The following GABRG2 variants were observed in gnomAD, a reference collection of about 807,000 sequenced individuals.
GABRG2 encodes gamma-aminobutyric acid type A receptor subunit gamma2.
In GABRG2, 16 loss-of-function variants were observed where a neutral mutation model predicts 56.4. The observed-to-expected ratio is 0.28, with a 90% confidence interval of 0.19 to 0.43. The LOEUF is 0.43. Ranked by LOEUF, GABRG2 falls within the 20% of genes least tolerant of loss-of-function variation. The pLI, the probability that GABRG2 is intolerant of heterozygous loss-of-function variation, is 1.00. For synonymous variants in GABRG2, 208 were observed against 205.5 expected (o/e 1.01, Z -0.10); for missense variants, 327 against 582.7 (o/e 0.56, Z 4.52).
chr5:162,141,132 G>A (rs1448985536), intron 6 of GABRG2, among the ~76,000 whole-genome samples: 3 of 152,114 alleles, frequency 2.0e-5, no homozygotes, highest in African/African-American at 7.2e-5. Context: ...CGCCTCCCGG[G>A]TTCACGCCAT....
chr5:162,071,624 A>G (rs967072485), intron 1 of GABRG2, among the ~76,000 whole-genome samples: 1 of 151,940 alleles, frequency 6.6e-6, no homozygotes, highest in South Asian at 2.1e-4. Flanking sequence ...TTTATTTTAC[A>G]TGTTTCTTTA....
At position 162,120,903 on chromosome 5, in the gene GABRG2, A is replaced by C. The variant is rs1762938691; in HGVS notation, c.769+16877A>C. 2.6e-5 allele frequency among the ~76,000 whole-genome samples: 4 copies of C among 152,136 alleles called. No homozygotes were observed. In the South Asian group the frequency reaches 8.3e-4, roughly 31 times the overall value. ...CATTGCTTTCTTTAACCAAGATATT[A>C]TTCAATTAGATACTTTGTTCATTAT... is the stretch of plus-strand genomic sequence containing the variant. On this transcript the variant is annotated intron_variant, in intron 6 of 9. Transcript: ENST00000639213.
intron 6 of GABRG2, among the ~76,000 whole-genome samples, chr5:162,116,733 G>A (rs572500985): frequency 3.8e-4 from 58 of 151,988 alleles, no homozygotes; most frequent in African/African-American, 1.2e-3. Context: ...TGGCCATGTC[G>A]GAGGGGCCCA....
chr5:162,123,165 A>G (rs373493326), intron 6 of GABRG2, among the ~76,000 whole-genome samples: 8 of 151,774 alleles, frequency 5.3e-5, no homozygotes, highest in Non-Finnish European at 1.0e-4. Flanking sequence ...AACTAATCAT[A>G]TCTGAGAAAA....
At chr5:162,109,420 A>ATTTATT (rs1554098576) in intron 6 of GABRG2, among the ~76,000 whole-genome samples, 63 of 116,140 alleles carry the variant, frequency 5.4e-4, no homozygotes, top group Middle Eastern at 4.9e-3. Context: ...ATATATATAT[A>ATTTATT]TATTTATTTA....
At chr5:162,085,700 GT>G in intron 1 of GABRG2, among the ~76,000 whole-genome samples, 1 of 151,676 alleles carries the variant, frequency 6.6e-6, no homozygotes, top group South Asian at 2.1e-4. Context: ...GTGCCCATCA[GT>G]TATTTTTCCT....
rs1758343023 is a variant in GABRG2, at chr5:162,067,955, T to G, written c.-45T>G. ...ATAATACAAAGGGGAGGGATTCTTC[T>G]GCAACCAAGAGGCAAGAGGCGAGAG... On this transcript the variant is annotated 5_prime_UTR_variant, in exon 1 of 10. Transcript: ENST00000639213. The G allele has an allele frequency of 7.4e-7, 1 of 1,342,782 alleles. No homozygotes were observed. The allele number at this position is 1,342,782 out of a possible 1,614,324, so 83.2% of individuals were successfully genotyped here. A position where few individuals can be genotyped will look rare whatever the true frequency, so the allele number is the denominator to read the frequency against.
intron 1 of GABRG2, among the ~76,000 whole-genome samples, chr5:162,093,448 A>G (rs1411094549): frequency 6.6e-6 from 1 of 152,162 alleles, no homozygotes; most frequent in Non-Finnish European, 1.5e-5. Flanking sequence ...AAAGAAGGAA[A>G]GAGCAGACAT....
rs185418252 is a variant in GABRG2, at chr5:162,132,247, T to C, written c.770-9917T>C. 9.3e-4 allele frequency among the ~76,000 whole-genome samples: 141 copies of C among 152,148 alleles called. 1 individual carries two copies. The highest frequency in any genetic ancestry group is 3.3e-3 in the African/African-American group (139 of 41,554). Reference sequence around the variant, plus strand: ...TACTAAATATACTGTCCTGTTTTTATAAATTGATGGATACCAAGCAATTTT... The same window carrying C: ...TACTAAATATACTGTCCTGTTTTTACAAATTGATGGATACCAAGCAATTTT... On this transcript the variant is annotated intron_variant, in intron 6 of 9. Transcript: ENST00000639213.
chr5:162,117,305 G>A (rs556676737), intron 6 of GABRG2, among the ~76,000 whole-genome samples: 6 of 152,140 alleles, frequency 3.9e-5, no homozygotes, highest in South Asian at 4.1e-4. Context: ...GTTATTATTC[G>A]GTGTTAACTT....
intron 6 of GABRG2, among the ~76,000 whole-genome samples, chr5:162,114,735 GTAT>G (rs1255009217): frequency 6.6e-6 from 1 of 152,086 alleles, no homozygotes; most frequent in East Asian, 1.9e-4. Flanking sequence ...CTGGGCTTAT[GTAT>G]CATAAATATC....
At chr5:162,134,292 A>G (rs2113553448) in intron 6 of GABRG2, among the ~76,000 whole-genome samples, 1 of 152,178 alleles carries the variant, frequency 6.6e-6, no homozygotes, top group South Asian at 2.1e-4. Flanking sequence ...TGGTTGGTAT[A>G]GATTTATTCT....
At chr5:162,110,639 C>T (rs978599574) in intron 6 of GABRG2, among the ~76,000 whole-genome samples, 1 of 151,696 alleles carries the variant, frequency 6.6e-6, no homozygotes, top group Admixed American at 6.6e-5. Flanking sequence ...GAAACAACAA[C>T]AACAACAACA....
At chr5:162,074,843 T>C (rs976295071) in intron 1 of GABRG2, among the ~76,000 whole-genome samples, 4 of 152,166 alleles carry the variant, frequency 2.6e-5, no homozygotes, top group African/African-American at 9.6e-5. Context: ...CTAACCACTC[T>C]TGTTTAGAGA....
chr5:162,120,599 T>C (rs1232837780), intron 6 of GABRG2, among the ~76,000 whole-genome samples: 2 of 152,246 alleles, frequency 1.3e-5, no homozygotes, highest in East Asian at 1.9e-4. Flanking sequence ...AGAGACGGCA[T>C]GTGAGCTCTC....
intron 6 of GABRG2, among the ~76,000 whole-genome samples, chr5:162,132,409 A>C (rs1352715794): frequency 6.6e-6 from 1 of 151,950 alleles, no homozygotes; most frequent in Non-Finnish European, 1.5e-5. Flanking sequence ...CACATCACAA[A>C]TAGAATTTCT....
At chr5:162,106,040 TGATTTTAC>T in intron 6 of GABRG2, among the ~76,000 whole-genome samples, 2 of 152,208 alleles carry the variant, frequency 1.3e-5, no homozygotes, top group Middle Eastern at 6.8e-3. Flanking sequence ...ACAGAAGGGT[TGATTTTAC>T]ATCACAGAGC....
At chr5:162,082,870 G>A (rs1759775523) in intron 1 of GABRG2, among the ~76,000 whole-genome samples, 1 of 151,592 alleles carries the variant, frequency 6.6e-6, no homozygotes, top group African/African-American at 2.4e-5. Context: ...CCTTGATTTT[G>A]AGAAAATATT....
intron 1 of GABRG2, among the ~76,000 whole-genome samples, chr5:162,080,541 G>GA (rs1402889950): frequency 6.6e-6 from 1 of 152,184 alleles, no homozygotes; most frequent in Non-Finnish European, 1.5e-5. Context: ...TTGGGAGGCA[G>GA]AAAGCTATTT....
Sources: gnomAD v4.1 joint callset for allele counts (sites outside exome capture counted in the v4.1 genomes callset) on GRCh38, gnomAD v4.1.1 for gene constraint, MANE v1.5 for transcripts, NCBI Gene and HGNC (gene_info 2026-07-23, HGNC 2026-07-21) for gene names.